The following PCDHA2 variants were observed in gnomAD, a reference collection of about 807,000 sequenced individuals.
PCDHA2 encodes protocadherin alpha-2.
In PCDHA2, 58 loss-of-function variants were observed where a neutral mutation model predicts 66.0. The ratio of observed to expected loss-of-function variants is 0.88; its 90% CI spans 0.71 to 1.09. The LOEUF is 1.09. PCDHA2 is among the 50% of genes least tolerant of loss of function. PCDHA2 has a pLI of 0.00. For synonymous variants in PCDHA2, 634 were observed against 554.0 expected (o/e 1.14, Z -2.03); for missense variants, 1,267 against 1,242.3 (o/e 1.02, Z -0.30).
chr5:140,942,633 G>T (rs1554215141), intron 1 of PCDHA2, among the ~76,000 whole-genome samples: 1 of 151,380 alleles, frequency 6.6e-6, no homozygotes, highest in Non-Finnish European at 1.5e-5. Context: ...AAAAAAAATG[G>T]CAAAAGAGAT....
At chr5:140,830,282 G>A (rs1554132701) in intron 1 of PCDHA2, 1 of 1,613,704 alleles carries the variant, frequency 6.2e-7, no homozygotes, top group African/African-American at 1.3e-5. Flanking sequence ...CACCGAGGGC[G>A]CGTGCACGGC....
At chr5:140,809,149 C>G in intron 1 of PCDHA2, 1 of 1,613,944 alleles carries the variant, frequency 6.2e-7, no homozygotes. Context: ...TGAAGGACCA[C>G]GGCGAGCCCG....
At position 140,822,688 on chromosome 5, in the gene PCDHA2, G is replaced by A. The variant is rs2150118559; in HGVS notation, c.2388+25336G>A. 2.5e-6 allele frequency: 4 copies of A among 1,609,140 alleles called. No homozygotes were observed. The highest frequency in any genetic ancestry group is 1.7e-5 in the Admixed American group (1 of 59,880). On this transcript the variant is annotated intron_variant, in intron 1 of 3. Transcript: ENST00000526136. ...TAATACTGGTGAAATAAAAGTTAAC[G>A]GGGAACTGGATTATGAAGACTATAA...
intron 1 of PCDHA2, among the ~76,000 whole-genome samples, chr5:140,918,366 T>G (rs1203283831): frequency 2.0e-5 from 3 of 152,180 alleles, no homozygotes; most frequent in African/African-American, 7.2e-5. Flanking sequence ...CTCTGCCTAT[T>G]TGGATGCCTT....
chr5:140,873,441 TAAC>T (rs1439420468), intron 1 of PCDHA2, among the ~76,000 whole-genome samples: 3 of 152,200 alleles, frequency 2.0e-5, no homozygotes, highest in Non-Finnish European at 2.9e-5. Context: ...ATCACATAAA[TAAC>T]AAATTTGCAT....
At chr5:140,985,818 C>T (rs1377098916) in intron 3 of PCDHA2, among the ~76,000 whole-genome samples, 1 of 142,038 alleles carries the variant, frequency 7.0e-6, no homozygotes, top group Non-Finnish European at 1.5e-5. Flanking sequence ...CAGCTCACAA[C>T]AAGCTCTGCC....
chr5:140,810,242 C>A (rs78416157), intron 1 of PCDHA2: 5 of 152,098 alleles, frequency 3.3e-5, no homozygotes, highest in Non-Finnish European at 7.3e-5. Flanking sequence ...TTCTACTGTT[C>A]AGGAATTTGC....
intron 1 of PCDHA2, chr5:140,804,332 T>C (rs1562197442): frequency 6.6e-6 from 1 of 152,084 alleles, no homozygotes; most frequent in African/African-American, 2.4e-5. Flanking sequence ...TTAATAATAC[T>C]ACTGTATTAT....
chr5:140,973,450 T>C (rs1326852534), intron 1 of PCDHA2, among the ~76,000 whole-genome samples: 1 of 152,250 alleles, frequency 6.6e-6, no homozygotes, highest in Non-Finnish European at 1.5e-5. Context: ...TTATAATGAC[T>C]GGGGCTGTTT....
Position 140,821,905 on chromosome 5 carries a change from G to A in PCDHA2, c.2388+24553G>A, listed in dbSNP as rs2150111828. The stretch of plus-strand genomic sequence containing the variant: ...GGAGGAAGCCAAACACGGAACCTTC[G>A]TTGGCCGCATCGCGCAGGACCTAGG... On this transcript the variant is annotated intron_variant, in intron 1 of 3. Transcript: ENST00000526136. 12 of 1,614,120 alleles carry A rather than the reference G, an allele frequency of 7.4e-6. No homozygotes were observed. The African/African-American group carries it at 9.3e-5, about 13-fold the overall frequency.
intron 1 of PCDHA2, chr5:140,856,914 G>A (rs1554149290): frequency 1.3e-6 from 2 of 1,596,230 alleles, no homozygotes; most frequent in East Asian, 4.5e-5. Flanking sequence ...CCCACGATAA[G>A]AAGGAAATTT....
chr5:141,000,080 G>T (rs1554257118), intron 3 of PCDHA2, among the ~76,000 whole-genome samples: 1 of 152,068 alleles, frequency 6.6e-6, no homozygotes, highest in Non-Finnish European at 1.5e-5. Context: ...ACAATGCTAG[G>T]CCTGTGAATG....
chr5:140,823,977 C>T (rs563481836), intron 1 of PCDHA2: 1 of 1,614,044 alleles, frequency 6.2e-7, no homozygotes, highest in African/African-American at 1.3e-5. Flanking sequence ...GCACACGGGG[C>T]AAGCCCACTC....
rs868933408 is a variant in PCDHA2 at position 140,795,490 on chromosome 5, G to A, written c.526G>A (p.Glu176Lys). 1 of 1,614,158 alleles carries A rather than the reference G, an allele frequency of 6.2e-7. No individual in the cohort carries two copies. The highest frequency in any genetic ancestry group is 1.1e-5 in the South Asian group (1 of 91,072). ...TCTCTCCTACAAGCTCAGCTCCAGT[G>A]AGTTTTTCTTCCTAGATATACAGGC... ...ALLSYKLSSS[E>K]FFFLDIQAND... Residue 176 changes from glutamate to lysine, a missense_variant, in exon 1 of 4, where the codon GAG (glutamate) becomes AAG (lysine). Physicochemically the swap from Glu to Lys is moderately conservative, Grantham distance 56. Coordinates refer to ENST00000526136, the MANE Select transcript of PCDHA2 (RefSeq NM_018905.3).
chr5:140,876,551 A>G (rs781855200), intron 1 of PCDHA2: 1 of 1,614,184 alleles, frequency 6.2e-7, no homozygotes, highest in Admixed American at 1.7e-5. Context: ...CTCCCTGTGC[A>G]AGAGGATGCT....
At chr5:140,834,409 CA>C (rs1179533685) in intron 1 of PCDHA2, 2 of 1,610,410 alleles carry the variant, frequency 1.2e-6, no homozygotes, top group Non-Finnish European at 1.7e-6. Context: ...GGATACGACC[CA>C]GGGGGCCGAC....
chr5:140,891,056 T>C (rs2062933451), intron 1 of PCDHA2, among the ~76,000 whole-genome samples: 1 of 152,196 alleles, frequency 6.6e-6, no homozygotes, highest in Non-Finnish European at 1.5e-5. Context: ...CAGCACATAG[T>C]AAATATTATT....
At chr5:140,859,848 G>C (rs1455422999) in intron 1 of PCDHA2, 1 of 151,860 alleles carries the variant, frequency 6.6e-6, no homozygotes, top group South Asian at 2.1e-4. Flanking sequence ...TTATCAAATA[G>C]GTTTATGAAA....
chr5:140,871,925 T>C (rs1554165953), intron 1 of PCDHA2, among the ~76,000 whole-genome samples: 1 of 152,244 alleles, frequency 6.6e-6, no homozygotes, highest in African/African-American at 2.4e-5. Flanking sequence ...TTCCACATTG[T>C]TAGATCAACT....
Sources: allele counts gnomAD v4.1 joint callset (sites outside exome capture counted in the v4.1 genomes callset), GRCh38; gene constraint gnomAD v4.1.1; transcripts MANE v1.5; gene names NCBI Gene and HGNC (gene_info 2026-07-23, HGNC 2026-07-21).